CXCL16: variants seen among roughly 807,000 people sequenced by gnomAD.
The protein encoded by CXCL16 is C-X-C motif chemokine 16.
Under a neutral mutation model 23.8 loss-of-function variants are expected in CXCL16, and 18 were observed. The observed-to-expected ratio is 0.76, with a 90% CI of 0.52 to 1.12. CXCL16 has a LOEUF of 1.12. Ranked by LOEUF, CXCL16 falls within the 50% of genes most tolerant of loss-of-function variation. The pLI, the probability that CXCL16 is intolerant of heterozygous loss-of-function variation, is 0.00. For missense variants in CXCL16, 297 were observed against 315.4 expected, an observed-to-expected ratio of 0.94 and a Z score of 0.44; for synonymous variants, 123 against 132.5, an observed-to-expected ratio of 0.93 and a Z score of 0.49.
rs769684177 is a variant in CXCL16, at chr17:4,734,646, G to A, written c.725C>T (p.Pro242Leu). The A allele has an allele frequency of 2.2e-5, 36 of 1,611,116 alleles. No homozygotes were observed. The highest frequency in any genetic ancestry group is 5.0e-5 in the Admixed American group (3 of 59,952). ...AGGTGCCACAGGTATATAATGAACCGGCAGATCTGGAAAGGATAAAGAAAT... is the reference window on the plus strand; with the variant it reads ...AGGTGCCACAGGTATATAATGAACCAGCAGATCTGGAAAGGATAAAGAAAT... The part of the protein sequence containing the change: ...GQSPQSSPDL[P>L]VHYIPVAPDS... The change falls in exon 5 of 6, where the codon CCG (proline) becomes CTG (leucine). Residue 242 changes from proline to leucine, a missense_variant. Physicochemically the swap from Pro to Leu is moderately conservative, Grantham distance 98. Coordinates refer to ENST00000293778, the MANE Select transcript of CXCL16 (RefSeq NM_001386809.1).
chr17:4,739,429 A>C lies in CXCL16; in HGVS notation c.-90T>G. The C allele has an allele frequency of 2.5e-6, 4 of 1,591,870 alleles. No homozygotes were observed. The highest frequency in any genetic ancestry group is 3.4e-6 in the Non-Finnish European group (4 of 1,166,258). ...CGCGTGACGTCCAGCTGGTGTCTCA[A>C]TGGCTTTCGCCGGGGACCGGAGGAG... On this transcript the variant is annotated 5_prime_UTR_variant, in exon 1 of 6. Coordinates refer to ENST00000293778, the MANE Select transcript of CXCL16 (RefSeq NM_001386809.1). This position sits in a 1 kb window ranked among gnomAD's most constrained non-coding sequence, Gnocchi z 5.3.
intron 3 of CXCL16, among the ~76,000 whole-genome samples, chr17:4,735,789 A>G (rs569661280): frequency 2.0e-5 from 3 of 152,056 alleles, no homozygotes; most frequent in Non-Finnish European, 2.9e-5. Context: ...GTATGATTGG[A>G]TTGGCCGGGC....
In CXCL16 at chr17:4,735,115, C is replaced by T. The variant is rs1369665525; in HGVS notation, c.695G>A (p.Gly232Glu). The part of the protein sequence containing the change: ...LSYVLCKRRR[G>E]QSPQSSPDLP... The stretch of plus-strand genomic sequence containing the variant: ...ACCTGGAGAGGACTGCGGTGACTGC[C>T]CCCTCCTCCTCTTGCACAGCACATA... Residue 232 changes from glycine to glutamate, a missense_variant, in exon 4 of 6, where the codon GGG (glycine) becomes GAG (glutamate). Transcript: ENST00000293778. 1.2e-6 allele frequency: 2 copies of T among 1,610,604 alleles called. No individual in the cohort carries two copies. Among genetic ancestry groups the T allele is most frequent in the East Asian group, 2.2e-5 (1 of 44,812 alleles).
chr17:4,734,978 C>T (rs1333746644), intron 4 of CXCL16, 114 bp downstream of exon 4: 1 of 1,033,488 alleles, frequency 9.7e-7, no homozygotes, highest in Non-Finnish European at 1.4e-6. Flanking sequence ...GTGCAGACAA[C>T]CTTGATACTT....
chr17:4,738,564 T>G lies in CXCL16; in HGVS notation c.219-74A>C, dbSNP rs1403267831. ...CGGCTCCTTCCTCATTCCAGAGGCG[T>G]GAAGTTGCCACCAAGAAAGAGCCCT... On this transcript the variant is annotated intron_variant, in intron 2 of 5. Transcript: ENST00000293778. This position sits in a 1 kb window ranked among gnomAD's most constrained non-coding sequence, Gnocchi z 4.0. The G allele has an allele frequency of 4.0e-6, 5 of 1,239,482 alleles. No homozygotes were observed. The highest frequency in any genetic ancestry group is 5.8e-6 in the Non-Finnish European group (5 of 867,102). The allele number at this position is 1,239,482 out of a possible 1,614,324, so 76.8% of individuals were successfully genotyped here.
chr17:4,738,793 T>C lies in CXCL16; in HGVS notation c.207A>G (p.Leu69=). The C allele has an allele frequency of 1.2e-6, 2 of 1,614,122 alleles. No individual in the cohort carries two copies. Among genetic ancestry groups the C allele is most frequent in the East Asian group, 2.2e-5 (1 of 44,880 alleles). The change falls in exon 2 of 6, where the codon CTA becomes CTG. Residue 69 remains leucine, a synonymous_variant. Transcript: ENST00000293778. This position sits in a 1 kb window ranked among gnomAD's most constrained non-coding sequence, Gnocchi z 4.0. The part of the protein sequence containing the change: ...RKHLRAYHRC[L]YYTRFQLLSW... ...GCAGGTAAAATTACCTCGTGTAGTA[T>C]AGACACCGATGGTAAGCTCTCAGGT...
chr17:4,738,420 G>A lies in CXCL16; in HGVS notation c.289C>T (p.Leu97Phe), dbSNP rs1041840703. 4 of 1,613,780 alleles carry A rather than the reference G, an allele frequency of 2.5e-6. No individual in the cohort carries two copies. The highest frequency in any genetic ancestry group is 3.4e-6 in the Non-Finnish European group (4 of 1,179,640). Residue 97 changes from leucine to phenylalanine, a missense_variant, in exon 3 of 6, where the codon CTT (leucine) becomes TTT (phenylalanine). By Grantham distance (22) the Leu-to-Phe change is conservative. Transcript: ENST00000293778. This position sits in a 1 kb window ranked among gnomAD's most constrained non-coding sequence, Gnocchi z 4.0. ...GGAAAAGTCTCACCTTTGAGATCAA[G>A]ACAGCTCATCAATTCCTGAACCCAT... ...DPWVQELMSC[L>F]DLKECGHAYS...
At chr17:4,737,543 A>C (rs1490027844) in intron 3 of CXCL16, among the ~76,000 whole-genome samples, 1 of 136,066 alleles carries the variant, frequency 7.3e-6, no homozygotes, top group African/African-American at 2.8e-5. Flanking sequence ...GCACCATTGC[A>C]CTCCAGCCTG....
In CXCL16 at chr17:4,739,102, G is replaced by A. The variant is rs1311765832; in HGVS notation, c.79+159C>T. ...TCCATAATCCCGCCCGGAGCCAGGCGTCCCCGGGCCTCTGTCCCCAACCCC... is the reference window on the plus strand; with the variant it reads ...TCCATAATCCCGCCCGGAGCCAGGCATCCCCGGGCCTCTGTCCCCAACCCC... On this transcript the variant is annotated intron_variant, in intron 1 of 5. Coordinates refer to ENST00000293778, the MANE Select transcript of CXCL16 (RefSeq NM_001386809.1). This position sits in a 1 kb window ranked among gnomAD's most constrained non-coding sequence, Gnocchi z 5.3. 3.3e-6 allele frequency: 4 copies of A among 1,203,388 alleles called. No homozygotes were observed. Among genetic ancestry groups the A allele is most frequent in the African/African-American group, 1.5e-5 (1 of 64,946 alleles). The allele number at this position is 1,203,388 out of a possible 1,614,324, so 74.5% of individuals were successfully genotyped here.
rs1597497384 is a variant in CXCL16 at position 4,734,002 on chromosome 17, G to A, written c.*501C>T. 6.5e-6 allele frequency: 1 copy of A among 153,464 alleles called. No homozygotes were observed. The highest frequency in any genetic ancestry group is 2.4e-5 in the African/African-American group (1 of 41,414). The allele number at this position is 153,464 out of a possible 1,614,324, so 9.5% of individuals were successfully genotyped here. On this transcript the variant is annotated 3_prime_UTR_variant, in exon 6 of 6. Coordinates refer to ENST00000293778, the MANE Select transcript of CXCL16 (RefSeq NM_001386809.1). The stretch of plus-strand genomic sequence containing the variant: ...GGGTGGGCAGATCACCAGGTCAGGA[G>A]TTCGAGACCAGCCTGGTCAACATGG...
In CXCL16 at chr17:4,734,375, G is replaced by A. The variant is rs1916087187; in HGVS notation, c.*128C>T. Reference sequence around the variant, plus strand: ...GATATTAACAAATACGTGTAGGCTGGATGTGGTAGGTGACGCCTATAATCC... The same window carrying A: ...GATATTAACAAATACGTGTAGGCTGAATGTGGTAGGTGACGCCTATAATCC... On this transcript the variant is annotated 3_prime_UTR_variant, in exon 6 of 6. Transcript: ENST00000293778. 6.6e-6 allele frequency: 3 copies of A among 452,702 alleles called. No individual in the cohort carries two copies. Among genetic ancestry groups the A allele is most frequent in the South Asian group, 6.5e-5 (3 of 45,838 alleles). 28.0% of individuals were successfully genotyped at this position (452,702 alleles called of 1,614,324 possible). A position where few individuals can be genotyped will look rare whatever the true frequency, so the allele number is the denominator to read the frequency against.
chr17:4,735,190 G>A lies in CXCL16; in HGVS notation c.620C>T (p.Pro207Leu), dbSNP rs771591021. 9.9e-6 allele frequency: 16 copies of A among 1,614,110 alleles called. No homozygotes were observed. The highest frequency in any genetic ancestry group is 9.9e-5 in the South Asian group (9 of 91,072). The change falls in exon 4 of 6, where the codon CCA (proline) becomes CTA (leucine). Residue 207 changes from proline (P) to leucine (L), a missense_variant. Transcript: ENST00000293778. ...GPTARTSATV[P>L]VLCLLAIIFI... Reference sequence around the variant, plus strand: ...GATGATGGCCAGGAGGCACAGGACTGGCACTGTGGCTGATGTCCTGGCTGT... The same window carrying A: ...GATGATGGCCAGGAGGCACAGGACTAGCACTGTGGCTGATGTCCTGGCTGT...
At chr17:4,734,714 A>G in intron 4 of CXCL16, 62 bp from the exon 5 acceptor site, 2 of 1,385,108 alleles carry the variant, frequency 1.4e-6, no homozygotes, top group Non-Finnish European at 2.1e-6. Flanking sequence ...TTGGGGGATG[A>G]TAGCTTGAAC....
At position 4,738,883 on chromosome 17, in the gene CXCL16, A is replaced by G; in HGVS notation, c.117T>C (p.Tyr39=). ...AGTCGGAAGAAATTCTTTTACCACA[A>G]TAACAACTTCCAGTGACGCTGCCCT... is the stretch of plus-strand genomic sequence containing the variant. ...GNEGSVTGSC[Y]CGKRISSDSP... is the part of the protein sequence containing the mutation. Residue 39 remains tyrosine, a synonymous_variant, in exon 2 of 6, where the codon TAT becomes TAC. Transcript: ENST00000293778. The surrounding 1 kb of genome is among the most constrained non-coding windows in gnomAD (Gnocchi z 4.0). 1 of 1,614,090 alleles carries G rather than the reference A, an allele frequency of 6.2e-7. No homozygotes were observed. The highest frequency in any genetic ancestry group is 1.1e-5 in the South Asian group (1 of 91,062).
At position 4,739,016 on chromosome 17, in the gene CXCL16, T is replaced by C; in HGVS notation, c.80-96A>G. ...CAATCCACAGCCCCATGACAGCCTC[T>C]CGGTGGACCCAGGGTCAGAGCGCCA... is the stretch of plus-strand genomic sequence containing the variant. On this transcript the variant is annotated intron_variant, in intron 1 of 5. Transcript: ENST00000293778. The surrounding 1 kb of genome is among the most constrained non-coding windows in gnomAD (Gnocchi z 5.3). 6.9e-7 allele frequency: 1 copy of C among 1,459,086 alleles called. No homozygotes were observed. The highest frequency in any genetic ancestry group is 2.2e-5 in the Admixed American group (1 of 46,174). The allele number at this position is 1,459,086 out of a possible 1,614,324, so 90.4% of individuals were successfully genotyped here.
In CXCL16 at chr17:4,739,280, CAGCAGG is replaced by C; in HGVS notation, c.54_59del (p.Leu19_Leu20del). 3.1e-6 allele frequency: 5 copies of C among 1,607,940 alleles called. No homozygotes were observed. The highest frequency in any genetic ancestry group is 4.2e-6 in the Non-Finnish European group (5 of 1,177,240). ...GCTAACCTGGCTGAGTCAGGTACAC[CAGCAGG>C]AGCAGAAGCAGGAGCAGGAGCACGC... On this transcript the variant is annotated inframe_deletion, in exon 1 of 6. Coordinates refer to ENST00000293778, the MANE Select transcript of CXCL16 (RefSeq NM_001386809.1). The surrounding 1 kb of genome is among the most constrained non-coding windows in gnomAD (Gnocchi z 5.3).
chr17:4,738,433 T>C lies in CXCL16; in HGVS notation c.276A>G (p.Glu92=). Residue 92 remains glutamate, a synonymous_variant, in exon 3 of 6, where the codon GAA becomes GAG. Transcript: ENST00000293778. This position sits in a 1 kb window ranked among gnomAD's most constrained non-coding sequence, Gnocchi z 4.0. ...CGGNKDPWVQ[E]LMSCLDLKEC... is the part of the protein sequence containing the mutation. ...CTTTGAGATCAAGACAGCTCATCAA[T>C]TCCTGAACCCATGGGTCCTTGTTGC... The C allele has an allele frequency of 6.2e-7, 1 of 1,614,072 alleles. No homozygotes were observed. The highest frequency in any genetic ancestry group is 2.2e-5 in the East Asian group (1 of 44,884).
Position 4,739,911 on chromosome 17 carries a change from G to A in CXCL16, c.-572C>T, listed in dbSNP as rs1567696866. On this transcript the variant is annotated 5_prime_UTR_variant, in exon 1 of 6. Coordinates refer to ENST00000293778, the MANE Select transcript of CXCL16 (RefSeq NM_001386809.1). The surrounding 1 kb of genome is among the most constrained non-coding windows in gnomAD (Gnocchi z 5.3). ...CCCGGCCGCGCGCACCTGCGGGGCAGCCACCCGCGGACGCACCGAGCCCGG... is the reference window on the plus strand; with the variant it reads ...CCCGGCCGCGCGCACCTGCGGGGCAACCACCCGCGGACGCACCGAGCCCGG... 2.4e-5 allele frequency: 24 copies of A among 985,270 alleles called. No homozygotes were observed. The highest frequency in any genetic ancestry group is 2.9e-5 in the Non-Finnish European group (24 of 830,046). 61.0% of individuals were successfully genotyped at this position (985,270 alleles called of 1,614,324 possible).
In CXCL16 at chr17:4,738,827, A is replaced by G. The variant is rs944574618; in HGVS notation, c.173T>C (p.Leu58Pro). The G allele has an allele frequency of 3.1e-6, 5 of 1,614,072 alleles. No individual in the cohort carries two copies. The highest frequency in any genetic ancestry group is 4.2e-6 in the Non-Finnish European group (5 of 1,180,026). Reference sequence around the variant, plus strand: ...ATGGTAAGCTCTCAGGTGTTTCCGGAGACGATTCATGAACTGAACCGATGG... The same window carrying G: ...ATGGTAAGCTCTCAGGTGTTTCCGGGGACGATTCATGAACTGAACCGATGG... ...SPPSVQFMNR[L>P]RKHLRAYHRC... The change falls in exon 2 of 6, where the codon CTC becomes CCC. Residue 58 changes from leucine to proline, a missense_variant. Leu to Pro is a moderately conservative substitution (Grantham distance 98). Coordinates refer to ENST00000293778, the MANE Select transcript of CXCL16 (RefSeq NM_001386809.1). This position sits in a 1 kb window ranked among gnomAD's most constrained non-coding sequence, Gnocchi z 4.0.
Sources: gnomAD v4.1 joint callset for allele counts (sites outside exome capture counted in the v4.1 genomes callset) on GRCh38, gnomAD v4.1.1 for gene constraint, Gnocchi (gnomAD v3.1) non-coding constraint, MANE v1.5 for transcripts, NCBI Gene and HGNC (gene_info 2026-07-23, HGNC 2026-07-21) for gene names.